INKA2: variants seen among roughly 807,000 people sequenced by gnomAD.
The protein encoded by INKA2 is PAK4-inhibitor INKA2.
INKA2 carries 3 observed loss-of-function variants against 9.8 expected under a neutral mutation model. The observed-to-expected ratio is 0.31, with a 90% CI of 0.14 to 0.79. The LOEUF (loss-of-function observed/expected upper bound fraction) is 0.79, where lower values mean the gene tolerates loss of function less well. Among genes scored for constraint, INKA2 ranks in the 30% least tolerant of loss-of-function variants. The pLI is 0.62. For missense variants in INKA2, 392 were observed against 384.4 expected, an observed-to-expected ratio of 1.02 and a Z score of -0.17; for synonymous variants, 147 against 143.3, an observed-to-expected ratio of 1.03 and a Z score of -0.18.
chr1:111,731,400 G>C (rs1662902131), intron 1 of INKA2, among the ~76,000 whole-genome samples: 1 of 149,556 alleles, frequency 6.7e-6, no homozygotes, highest in Non-Finnish European at 1.5e-5. Flanking sequence ...GCCCAGGCTG[G>C]AGTATAATGG....
intron 1 of INKA2, among the ~76,000 whole-genome samples, chr1:111,731,688 C>A (rs1170819759): frequency 6.6e-6 from 1 of 152,202 alleles, no homozygotes; most frequent in Non-Finnish European, 1.5e-5. Flanking sequence ...ATAACAGTTC[C>A]TGCCTCATAC....
chr1:111,726,540 C>T lies in INKA2; in HGVS notation c.*428G>A, dbSNP rs755025047. ...CCATAGACAGGTCTTTATTTGGGGGCCTATCTGGGGAACCTGATGCTCCAG... is the reference window on the plus strand; with the variant it reads ...CCATAGACAGGTCTTTATTTGGGGGTCTATCTGGGGAACCTGATGCTCCAG... On this transcript the variant is annotated 3_prime_UTR_variant, in exon 2 of 2. Coordinates refer to ENST00000357260, the MANE Select transcript of INKA2 (RefSeq NM_019099.5). 7 of 194,906 alleles carry T rather than the reference C, an allele frequency of 3.6e-5. No individual in the cohort carries two copies. The highest frequency in any genetic ancestry group is 6.3e-5 in the Non-Finnish European group (6 of 95,520). 12.1% of individuals were successfully genotyped at this position (194,906 alleles called of 1,614,324 possible). A position where few individuals can be genotyped will look rare whatever the true frequency, so the allele number is the denominator to read the frequency against.
chr1:111,743,512 T>A (rs1663190658), upstream of INKA2, among the ~76,000 whole-genome samples: 1 of 152,134 alleles, frequency 6.6e-6, no homozygotes, highest in Non-Finnish European at 1.5e-5. Flanking sequence ...TGAGCTCAAA[T>A]GAAGAGGCAG....
At chr1:111,755,693 C>CG in intron 1 of INKA2, 1 of 1,613,700 alleles carries the variant, frequency 6.2e-7, no homozygotes, top group Middle Eastern at 1.7e-4. Context: ...CCACAGGCAG[C>CG]GACTCACCAG....
At chr1:111,731,703 A>G (rs1172828088) in intron 1 of INKA2, among the ~76,000 whole-genome samples, 4 of 152,208 alleles carry the variant, frequency 2.6e-5, no homozygotes, top group African/African-American at 7.2e-5. Context: ...TCATACAGCT[A>G]TTGTGCAGAT....
At chr1:111,728,577 A>G (rs74374913) in intron 1 of INKA2, among the ~76,000 whole-genome samples, 9,200 of 152,306 alleles carry the variant, frequency 0.06, 360 homozygotes, top group Middle Eastern at 0.11. Context: ...TTTTTGAGCC[A>G]CAACGTGACC....
chr1:111,730,355 C>A (rs995168815), intron 1 of INKA2, among the ~76,000 whole-genome samples: 3 of 152,138 alleles, frequency 2.0e-5, no homozygotes, highest in African/African-American at 4.8e-5. Flanking sequence ...TTCAACTACC[C>A]CTGCTCCTGC....
chr1:111,727,170 C>G lies in INKA2; in HGVS notation c.692G>C (p.Gly231Ala). Reference protein sequence around the residue: ...DRDRLLKEKPGWVTPMVPESR... With the variant: ...DRDRLLKEKPAWVTPMVPESR... ...CTCAGGGACCATGGGTGTCACCCAG[C>G]CTGGCTTCTCCTTCAGCAGCCGGTC... is the stretch of plus-strand genomic sequence containing the variant. The change falls in exon 2 of 2, where the codon GGC (glycine) becomes GCC (alanine). Residue 231 changes from glycine (G) to alanine (A), a missense_variant. By Grantham distance (60) the Gly-to-Ala change is moderately conservative (BLOSUM62 0). Coordinates refer to ENST00000357260, the MANE Select transcript of INKA2 (RefSeq NM_019099.5). 2 of 1,614,224 alleles carry G rather than the reference C, an allele frequency of 1.2e-6. No homozygotes were observed. Among genetic ancestry groups the G allele is most frequent in the Admixed American group, 1.7e-5 (1 of 60,034 alleles).
rs1043364914 is a variant in INKA2 at position 111,724,311 on chromosome 1, C to T, written c.*2657G>A. ...GCTCTGTTCTTAGTTTCTATAACAA[C>T]ACCTGGTGCTGGGAGGTGTTCATAA... On this transcript the variant is annotated 3_prime_UTR_variant, in exon 2 of 2. Transcript: ENST00000357260. The T allele has an allele frequency of 3.9e-5, 6 of 152,204 alleles. No homozygotes were observed. The highest frequency in any genetic ancestry group is 1.4e-4 in the African/African-American group (6 of 41,444). The allele number at this position is 152,204 out of a possible 1,614,324, so 9.4% of individuals were successfully genotyped here. A position where few individuals can be genotyped will look rare whatever the true frequency, so the allele number is the denominator to read the frequency against.
rs2101377211 is a variant in INKA2, at chr1:111,739,225, C to T, written c.18G>A (p.Arg6=). 6.2e-7 allele frequency: 1 copy of T among 1,613,810 alleles called. No homozygotes were observed. The highest frequency in any genetic ancestry group is 1.1e-5 in the South Asian group (1 of 91,088). Residue 6 remains arginine (R), a synonymous_variant, in exon 1 of 2, where the codon AGG becomes AGA. Transcript: ENST00000357260. MTMES[R]EMDCYLRRLK... ...GGCGACGGAGATAGCAGTCCATTTC[C>T]CTGCTCTCCATCGTCATGCGCCCAT...
chr1:111,752,185 T>G lies in INKA2; in HGVS notation n.124+3516A>C, dbSNP rs2101402834. Among the ~76,000 whole-genome samples the G allele has an allele frequency of 2.0e-5, 3 of 152,356 alleles. No individual in the cohort carries two copies. The Middle Eastern group carries it at 0.01, about 518-fold the overall frequency. On this transcript the variant is annotated intron_variant and non_coding_transcript_variant, in intron 1 of 1. Coordinates refer to the INKA2 transcript ENST00000444059. The stretch of plus-strand genomic sequence containing the variant: ...GAAGCCTGGGTGATTGGGATCTTTG[T>G]GGATCAGGGCTGTTTATCAGTCCTG...
chr1:111,751,467 C>A (rs186527893), intron 1 of INKA2, among the ~76,000 whole-genome samples: 2 of 152,324 alleles, frequency 1.3e-5, no homozygotes, highest in African/African-American at 4.8e-5. Context: ...TCTTTTAGGA[C>A]AGAGGATAGA....
rs34918562 is a variant in INKA2 at position 111,728,903 on chromosome 1, C to CTTTTT, written c.58-1104_58-1100dup. Among the ~76,000 whole-genome samples, 181 of 115,552 alleles carry CTTTTT rather than the reference C, an allele frequency of 1.6e-3. 21 individuals are homozygous for CTTTTT. Among genetic ancestry groups the CTTTTT allele is most frequent in the South Asian group, 8.0e-3 (28 of 3,490 alleles). The allele number at this position is 115,552 out of a possible 152,430, so 75.8% of individuals were successfully genotyped here. A position where few individuals can be genotyped will look rare whatever the true frequency, so the allele number is the denominator to read the frequency against. ...CTGGGCAGTGGGCAGTGGAGCTAGG[C>CTTTTT]TTTTTTTTTTTTTTTTCAAACAGGG... On this transcript the variant is annotated intron_variant, in intron 1 of 1. Coordinates refer to ENST00000357260, the MANE Select transcript of INKA2 (RefSeq NM_019099.5).
At chr1:111,729,335 T>C (rs1017596266) in intron 1 of INKA2, among the ~76,000 whole-genome samples, 1 of 152,168 alleles carries the variant, frequency 6.6e-6, no homozygotes, top group African/African-American at 2.4e-5. Context: ...AGACTTGGCT[T>C]CAACACTCTT....
At chr1:111,744,516 A>C (rs533492689) in intron 1 of INKA2, 2 of 151,918 alleles carry the variant, frequency 1.3e-5, no homozygotes, top group Admixed American at 1.3e-4. Context: ...GAAATGATGA[A>C]AGCCACTGAG....
chr1:111,726,089 C>T lies in INKA2; in HGVS notation c.*879G>A. 1 of 398,674 alleles carries T rather than the reference C, an allele frequency of 2.5e-6. No individual in the cohort carries two copies. The highest frequency in any genetic ancestry group is 3.6e-5 in the East Asian group (1 of 28,078). The allele number at this position is 398,674 out of a possible 1,614,324, so 24.7% of individuals were successfully genotyped here. ...GAGTGTTGGTAACTCCAGGGTCCAG[C>T]TTCTACTCTGCAGTTAGACCTAGGC... On this transcript the variant is annotated 3_prime_UTR_variant, in exon 2 of 2. Coordinates refer to ENST00000357260, the MANE Select transcript of INKA2 (RefSeq NM_019099.5).
chr1:111,733,143 G>A (rs1466674533), intron 1 of INKA2, among the ~76,000 whole-genome samples: 4 of 152,114 alleles, frequency 2.6e-5, no homozygotes, highest in Non-Finnish European at 5.9e-5. Context: ...CCTCCTTCAT[G>A]ATTTTCACCA....
At chr1:111,732,105 G>A (rs893233497) in intron 1 of INKA2, among the ~76,000 whole-genome samples, 1 of 152,204 alleles carries the variant, frequency 6.6e-6, no homozygotes, top group Non-Finnish European at 1.5e-5. Context: ...ACAGTGGTGG[G>A]GCAGGAGCGT....
intron 1 of INKA2, among the ~76,000 whole-genome samples, chr1:111,752,632 C>T (rs991858919): frequency 6.6e-6 from 1 of 152,056 alleles, no homozygotes; most frequent in Non-Finnish European, 1.5e-5. Flanking sequence ...ATTCCCCCAC[C>T]GATCCTCACA....
Sources: allele counts gnomAD v4.1 joint callset (sites outside exome capture counted in the v4.1 genomes callset), GRCh38; gene constraint gnomAD v4.1.1; transcripts MANE v1.5; gene names NCBI Gene and HGNC (gene_info 2026-07-23, HGNC 2026-07-21).